Variants in GRIK4 observed in about 807,000 individuals in gnomAD.
The protein encoded by GRIK4 is glutamate ionotropic receptor kainate type subunit 4.
GRIK4 carries 40 observed loss-of-function variants against 104.9 expected under a neutral mutation model. The ratio of observed to expected loss-of-function variants is 0.38; its 90% CI spans 0.30 to 0.50. The LOEUF (loss-of-function observed/expected upper bound fraction) is 0.50. Among genes scored for constraint, GRIK4 ranks in the 20% least tolerant of loss-of-function variants. The pLI is 0.93. For synonymous variants in GRIK4, 485 were observed against 524.9 expected, an observed-to-expected ratio of 0.92 and a Z score of 1.04; for missense variants, 1,047 against 1,308.1, an observed-to-expected ratio of 0.80 and a Z score of 3.08.
chr11:120,786,696 C>G (rs192252739), intron 3 of GRIK4, among the ~76,000 whole-genome samples: 80 of 152,310 alleles, frequency 5.3e-4, no homozygotes, highest in Middle Eastern at 3.4e-3. Flanking sequence ...AAGCCCTCCC[C>G]TGAAGCCACC....
At chr11:120,658,862 C>T (rs1949764108) in intron 2 of GRIK4, among the ~76,000 whole-genome samples, 1 of 150,368 alleles carries the variant, frequency 6.7e-6, no homozygotes, top group South Asian at 2.1e-4. Flanking sequence ...CATTCTCCTG[C>T]CTCAGCCTCC....
At chr11:120,837,004 C>T (rs571119376) in intron 8 of GRIK4, among the ~76,000 whole-genome samples, 160 bp downstream of exon 8, 2 of 152,282 alleles carry the variant, frequency 1.3e-5, no homozygotes, top group East Asian at 1.9e-4. Flanking sequence ...AAATTCTCAT[C>T]CCAATAATTC....
At chr11:120,729,554 G>A (rs1012710225) in intron 3 of GRIK4, among the ~76,000 whole-genome samples, 4 of 152,168 alleles carry the variant, frequency 2.6e-5, no homozygotes, top group African/African-American at 4.8e-5. Context: ...CCATTTGTAC[G>A]TCTTCTTTTG....
chr11:120,625,653 G>GTCGCCGTATCATTAAAAAACTTGT (rs1477371697), intron 1 of GRIK4, among the ~76,000 whole-genome samples: 1 of 145,822 alleles, frequency 6.9e-6, no homozygotes, highest in African/African-American at 2.5e-5. Flanking sequence ...GGTCTCGGTG[G>GTCGCCGTATCATTAAAAAACTTGT]GCAGAAGTCA....
chr11:120,539,083 G>T (rs995150283), intron 1 of GRIK4, among the ~76,000 whole-genome samples: 1 of 152,198 alleles, frequency 6.6e-6, no homozygotes, highest in African/African-American at 2.4e-5. Flanking sequence ...GACTGCAGCT[G>T]GGGGGAACTC....
chr11:120,833,829 C>T (rs1953500172), intron 7 of GRIK4, among the ~76,000 whole-genome samples: 1 of 152,132 alleles, frequency 6.6e-6, no homozygotes, highest in South Asian at 2.1e-4. Flanking sequence ...TGTCATACTG[C>T]ACAAACTTTT....
rs1591291784 is a variant in GRIK4, at chr11:120,925,949, G to A, written c.1477-14398G>A. On this transcript the variant is annotated intron_variant, in intron 13 of 20. Transcript: ENST00000527524. ...AGATCGCACCACTGTGCTCCAGCCT[G>A]GGCATCAGAGCGAGACTCCATCTCA... is the stretch of plus-strand genomic sequence containing the variant. 2.7e-5 allele frequency among the ~76,000 whole-genome samples: 4 copies of A among 150,264 alleles called. No individual in the cohort carries two copies. The East Asian group carries it at 7.8e-4, about 29-fold the overall frequency.
intron 3 of GRIK4, among the ~76,000 whole-genome samples, chr11:120,779,298 G>A (rs1952103286): frequency 6.6e-6 from 1 of 152,108 alleles, no homozygotes; most frequent in South Asian, 2.1e-4. Flanking sequence ...TACCCTGAGA[G>A]GCCAAGCAGA....
chr11:120,928,580 T>C (rs1591295150), intron 13 of GRIK4, among the ~76,000 whole-genome samples: 1 of 152,120 alleles, frequency 6.6e-6, no homozygotes, highest in African/African-American at 2.4e-5. Context: ...TAGTATCTGC[T>C]TGGCCTCTTG....
At chr11:120,536,938 A>G (rs1398038663) in intron 1 of GRIK4, among the ~76,000 whole-genome samples, 2 of 152,232 alleles carry the variant, frequency 1.3e-5, no homozygotes, top group Non-Finnish European at 2.9e-5. Flanking sequence ...GGAGGCGGCC[A>G]GGGGTTGAGG....
chr11:120,851,705 C>T (rs1953978523), intron 8 of GRIK4, among the ~76,000 whole-genome samples: 2 of 152,230 alleles, frequency 1.3e-5, no homozygotes, highest in Admixed American at 1.3e-4. Context: ...CCTGCCCCTC[C>T]CCCGCCCCCA....
In GRIK4 at chr11:120,834,263, GGTGTGTGTGTGT is replaced by G. The variant is rs141196181; in HGVS notation, c.690+2259_690+2270del. Among the ~76,000 whole-genome samples, 14 of 146,090 alleles carry G rather than the reference GGTGTGTGTGTGT, an allele frequency of 9.6e-5. No individual in the cohort carries two copies. The East Asian group carries it at 1.8e-3, about 19-fold the overall frequency. On this transcript the variant is annotated intron_variant, in intron 7 of 20. Transcript: ENST00000527524. ...GTATGTTAATTAAAAACACTTTATA[GGTGTGTGTGTGT>G]GTGTGTGTGTGTGTGTGTGTGTGTG... is the stretch of plus-strand genomic sequence containing the variant.
At chr11:120,737,185 G>A (rs906092167) in intron 3 of GRIK4, among the ~76,000 whole-genome samples, 1 of 152,118 alleles carries the variant, frequency 6.6e-6, no homozygotes, top group South Asian at 2.1e-4. Flanking sequence ...TGAAAACTGA[G>A]TAAATACAGG....
chr11:120,866,406 C>T (rs1954413028), intron 9 of GRIK4, among the ~76,000 whole-genome samples: 1 of 152,192 alleles, frequency 6.6e-6, no homozygotes, highest in Non-Finnish European at 1.5e-5. Context: ...CCACAGCATC[C>T]CAATGGAGCA....
At chr11:120,822,066 A>C (rs1953140333) in intron 6 of GRIK4, among the ~76,000 whole-genome samples, 1 of 151,516 alleles carries the variant, frequency 6.6e-6, no homozygotes, top group Non-Finnish European at 1.5e-5. Flanking sequence ...TAAAAATTAG[A>C]CGGGTGTGGT....
rs559227022 is a variant in GRIK4 at position 120,971,989 on chromosome 11, A to G, written c.2395+4666A>G. Among the ~76,000 whole-genome samples, 5 of 152,348 alleles carry G rather than the reference A, an allele frequency of 3.3e-5. No homozygotes were observed. The South Asian group carries it at 1.0e-3, about 32-fold the overall frequency. The stretch of plus-strand genomic sequence containing the variant: ...AAATGGGAGCTGCTGGGGATCTAGG[A>G]CATTGTGTAGAGCAGCCTACTTGTT... On this transcript the variant is annotated intron_variant, in intron 19 of 20. Coordinates refer to ENST00000527524, the MANE Select transcript of GRIK4 (RefSeq NM_014619.5).
intron 11 of GRIK4, among the ~76,000 whole-genome samples, chr11:120,888,874 A>G (rs1435540264): frequency 6.6e-6 from 1 of 152,232 alleles, no homozygotes; most frequent in African/African-American, 2.4e-5. Context: ...AATGGGTTGC[A>G]ACCCACAGTT....
rs755719361 is a variant in GRIK4, at chr11:120,952,896, T to C, written c.1632T>C (p.Ser544=). The C allele has an allele frequency of 6.2e-7, 1 of 1,613,918 alleles. No individual in the cohort carries two copies. The highest frequency in any genetic ancestry group is 2.2e-5 in the East Asian group (1 of 44,900). ...ATTTCTCCTTCCTGGACCCATTTTC[T>C]CCGGGCGTCTGGCTCTTCATGCTTC... ...PGYFSFLDPF[S]PGVWLFMLLA... Residue 544 remains serine (S), a synonymous_variant, in exon 15 of 21, where the codon TCT becomes TCC. Transcript: ENST00000527524. The surrounding 1 kb of genome is among the most constrained non-coding windows in gnomAD (Gnocchi z 5.2).
chr11:120,620,973 A>G (rs1226674968), intron 1 of GRIK4, among the ~76,000 whole-genome samples: 3 of 152,206 alleles, frequency 2.0e-5, no homozygotes, highest in African/African-American at 7.2e-5. Context: ...ATGCAGCAAC[A>G]AAGTGGAAAT....
Sources: gnomAD v4.1 joint callset for allele counts (sites outside exome capture counted in the v4.1 genomes callset) on GRCh38, gnomAD v4.1.1 for gene constraint, Gnocchi (gnomAD v3.1) non-coding constraint, MANE v1.5 for transcripts, NCBI Gene and HGNC (gene_info 2026-07-23, HGNC 2026-07-21) for gene names.